TET2: variants seen among roughly 807,000 people sequenced by gnomAD.
TET2 encodes the protein tet methylcytosine dioxygenase 2, also known as methylcytosine dioxygenase TET2.
Under a neutral mutation model 142.9 loss-of-function variants are expected in TET2, and 299 were observed. That is an observed-to-expected ratio of 2.09 (90% CI 1.90 to 2.30). TET2 has a LOEUF of 2.30. Ranked by LOEUF, TET2 falls within the 30% of genes most tolerant of loss-of-function variation. The pLI, the probability that TET2 is intolerant of heterozygous loss-of-function variation, is 0.00. For missense variants in TET2, 2,418 were observed against 2,378.0 expected (o/e 1.02, Z -0.35); for synonymous variants, 819 against 849.0 (o/e 0.96, Z 0.61).
chr4:105,259,478 T>C, intron 6 of TET2, 141 bp from the exon 7 acceptor site: 1 of 675,066 alleles, frequency 1.5e-6, no homozygotes, highest in Non-Finnish European at 2.3e-6. Context: ...AATAGTTCTG[T>C]GTGTGGTTAT....
chr4:105,167,418 C>T (rs1481359475), intron 1 of TET2, among the ~76,000 whole-genome samples: 2 of 151,576 alleles, frequency 1.3e-5, no homozygotes, highest in Non-Finnish European at 2.9e-5. Flanking sequence ...GCTACATATA[C>T]ATGTATATGT....
At chr4:105,247,074 T>C (rs1467430420) in intron 6 of TET2, among the ~76,000 whole-genome samples, 1 of 152,196 alleles carries the variant, frequency 6.6e-6, no homozygotes, top group Non-Finnish European at 1.5e-5. Context: ...AGGAACTTTA[T>C]ATTATAAAAA....
At chr4:105,179,105 A>G (rs1724973476) in intron 1 of TET2, among the ~76,000 whole-genome samples, 1 of 152,148 alleles carries the variant, frequency 6.6e-6, no homozygotes, top group Admixed American at 6.5e-5. Context: ...CCATGATCCA[A>G]TTACTTCCAC....
intron 8 of TET2, among the ~76,000 whole-genome samples, chr4:105,264,583 G>A (rs982579568): frequency 6.6e-6 from 1 of 152,090 alleles, no homozygotes; most frequent in African/African-American, 2.4e-5. Context: ...ATATGTTCAA[G>A]TTTTAATATT....
At chr4:105,154,348 CAG>C (rs1489570403) in intron 1 of TET2, among the ~76,000 whole-genome samples, 1 of 152,144 alleles carries the variant, frequency 6.6e-6, no homozygotes, top group East Asian at 1.9e-4. Context: ...TATTTTATGT[CAG>C]AAAATGTCTT....
rs1337117409 is a variant in TET2 at position 105,279,426 on chromosome 4, A to T, written c.*2907A>T. ...CAGATCTACAATTTGCTAATATAGGAATATCAGGTTGACTATATAGCCATA... is the reference window on the plus strand; with the variant it reads ...CAGATCTACAATTTGCTAATATAGGTATATCAGGTTGACTATATAGCCATA... On this transcript the variant is annotated 3_prime_UTR_variant, in exon 11 of 11. Transcript: ENST00000380013. 1 of 232,604 alleles carries T rather than the reference A, an allele frequency of 4.3e-6. No homozygotes were observed. The highest frequency in any genetic ancestry group is 8.5e-6 in the Non-Finnish European group (1 of 117,744). The allele number at this position is 232,604 out of a possible 1,614,324, so 14.4% of individuals were successfully genotyped here. A position where few individuals can be genotyped will look rare whatever the true frequency, so the allele number is the denominator to read the frequency against.
chr4:105,233,914 G>C lies in TET2; in HGVS notation c.-29G>C. 6.3e-7 allele frequency: 1 copy of C among 1,584,248 alleles called. No individual in the cohort carries two copies. Among genetic ancestry groups the C allele is most frequent in the East Asian group, 2.2e-5 (1 of 44,544 alleles). On this transcript the variant is annotated 5_prime_UTR_variant, in exon 3 of 11. Coordinates refer to ENST00000380013, the MANE Select transcript of TET2 (RefSeq NM_001127208.3). Reference sequence around the variant, plus strand: ...CTCTTTAGAATTCAACTAGAGGGCAGCCTTGTGGATGGCCCCGAAGCAAGC... The same window carrying C: ...CTCTTTAGAATTCAACTAGAGGGCACCCTTGTGGATGGCCCCGAAGCAAGC...
intron 1 of TET2, among the ~76,000 whole-genome samples, chr4:105,174,397 C>G (rs1724656971): frequency 6.6e-6 from 1 of 151,992 alleles, no homozygotes; most frequent in African/African-American, 2.4e-5. Flanking sequence ...CAAAACAAAA[C>G]AAAAAACTCT....
intron 1 of TET2, among the ~76,000 whole-genome samples, chr4:105,185,643 G>A (rs190799574): frequency 3.9e-5 from 6 of 152,194 alleles, no homozygotes; most frequent in African/African-American, 1.4e-4. Flanking sequence ...GCCAGGCGTG[G>A]GGGCATGCGC....
chr4:105,161,922 G>T (rs1425081464), intron 1 of TET2, among the ~76,000 whole-genome samples: 6 of 151,942 alleles, frequency 3.9e-5, no homozygotes, highest in Non-Finnish European at 4.4e-5. Flanking sequence ...ACTACTAAGT[G>T]TGTGTATGTG....
intron 2 of TET2, among the ~76,000 whole-genome samples, chr4:105,218,919 G>A (rs1727651061): frequency 6.6e-6 from 1 of 151,678 alleles, no homozygotes; most frequent in South Asian, 2.1e-4. Flanking sequence ...TATAATTTTA[G>A]GCGATCTTAA....
At chr4:105,214,247 G>T (rs2110557623) in intron 2 of TET2, among the ~76,000 whole-genome samples, 1 of 151,238 alleles carries the variant, frequency 6.6e-6, no homozygotes, top group South Asian at 2.1e-4. Flanking sequence ...CCTCGGGGCA[G>T]GCCTTAGAAA....
At chr4:105,257,389 A>G (rs1034376209) in intron 6 of TET2, among the ~76,000 whole-genome samples, 4 of 152,146 alleles carry the variant, frequency 2.6e-5, no homozygotes, top group Non-Finnish European at 5.9e-5. Context: ...AACTACTCCT[A>G]TAAAGTTTGT....
At chr4:105,228,066 T>C (rs1728288655) in intron 2 of TET2, among the ~76,000 whole-genome samples, 1 of 152,162 alleles carries the variant, frequency 6.6e-6, no homozygotes, top group African/African-American at 2.4e-5. Context: ...AATAATACTT[T>C]ATCAACATCA....
rs1342938737 is a variant in TET2 at position 105,241,418 on chromosome 4, C to G, written c.3489C>G (p.Ile1163Met). Residue 1163 changes from isoleucine (I) to methionine (M), a missense_variant, in exon 4 of 11, where the codon ATC becomes ATG. By Grantham distance (10) the Ile-to-Met change is conservative. Transcript: ENST00000380013. ...AGPNVAAIRE[I>M]MEERFGQKGK... ...CTAATGTGGCAGCTATTAGAGAAAT[C>G]ATGGAAGAAAGGTAATTAACGCAAA... 6.5e-7 allele frequency: 1 copy of G among 1,549,636 alleles called. No homozygotes were observed. Among genetic ancestry groups the G allele is most frequent in the Admixed American group, 2.0e-5 (1 of 50,426 alleles).
intron 1 of TET2, among the ~76,000 whole-genome samples, chr4:105,186,468 A>AT (rs1725454508): frequency 8.4e-6 from 1 of 119,368 alleles, no homozygotes; most frequent in Non-Finnish European, 1.8e-5. Context: ...TGTATTTTGC[A>AT]TTTTCTTTTT....
intron 2 of TET2, among the ~76,000 whole-genome samples, chr4:105,215,348 T>C (rs565923288): frequency 2.0e-5 from 3 of 152,308 alleles, no homozygotes; most frequent in South Asian, 4.1e-4. Flanking sequence ...AATAACATCT[T>C]ACAATCACTT....
intron 2 of TET2, among the ~76,000 whole-genome samples, chr4:105,219,199 TAAG>T (rs989864830): frequency 2.6e-4 from 39 of 152,126 alleles, no homozygotes; most frequent in African/African-American, 8.9e-4. Context: ...TATTAATCTT[TAAG>T]AAGATCTTCA....
chr4:105,191,317 G>T (rs1207357699), intron 2 of TET2, among the ~76,000 whole-genome samples: 1 of 152,114 alleles, frequency 6.6e-6, no homozygotes, highest in Admixed American at 6.5e-5. Flanking sequence ...CCAACCTAAG[G>T]GTTGTCAGAC....
Sources: gnomAD v4.1 joint callset for allele counts (sites outside exome capture counted in the v4.1 genomes callset) on GRCh38, gnomAD v4.1.1 for gene constraint, MANE v1.5 for transcripts, NCBI Gene and HGNC (gene_info 2026-07-23, HGNC 2026-07-21) for gene names.